Variants in SCN1A observed in about 807,000 individuals in gnomAD.
SCN1A encodes the protein sodium channel protein type 1 subunit alpha.
Under a neutral mutation model 193.7 loss-of-function variants are expected in SCN1A, and 13 were observed. The ratio of observed to expected loss-of-function variants is 0.07; its 90% confidence interval spans 0.04 to 0.11. The LOEUF is 0.11. SCN1A is among the 10% of genes least tolerant of loss of function. The probability of loss-of-function intolerance (pLI) is 1.00; values close to 1 mark genes in which losing one functional copy is unlikely to be tolerated. For synonymous variants in SCN1A, 781 were observed against 843.6 expected (o/e 0.93, Z 1.29); for missense variants, 1,432 against 2,451.1 (o/e 0.58, Z 8.78).
chr2:166,069,694 T>C (rs956359393), intron 4 of SCN1A, among the ~76,000 whole-genome samples: 6 of 152,220 alleles, frequency 3.9e-5, no homozygotes, highest in South Asian at 2.1e-4. Context: ...CTATTCCATA[T>C]AGTTGAGAAA....
At chr2:166,074,072 A>T (rs1305295384) in intron 3 of SCN1A, among the ~76,000 whole-genome samples, 2 of 152,212 alleles carry the variant, frequency 1.3e-5, no homozygotes, top group Non-Finnish European at 2.9e-5. Context: ...TGTCTCTGAG[A>T]GGACATAAAA....
At chr2:166,025,380 C>G (rs536744) in intron 19 of SCN1A, among the ~76,000 whole-genome samples, 3 of 152,034 alleles carry the variant, frequency 2.0e-5, no homozygotes, top group Non-Finnish European at 4.4e-5. Flanking sequence ...GGCCACATGG[C>G]TGCTGTATGC....
Position 166,051,942 on chromosome 2 carries a change from G to C in SCN1A, c.741C>G (p.Leu247=). Residue 247 remains leucine (L), a synonymous_variant, in exon 9 of 29, where the codon CTC becomes CTG. Transcript: ENST00000674923. ...VGALIQSVKK[L]SDVMILTVFC... is the part of the protein sequence containing the mutation. ...ACACAGTCAGGATCATTACATCTGA[G>C]AGCTTCTTCACAGACTGGATCAGGG... 3 of 1,612,268 alleles carry C rather than the reference G, an allele frequency of 1.9e-6. No homozygotes were observed. The highest frequency in any genetic ancestry group is 2.2e-5 in the East Asian group (1 of 44,840).
At chr2:166,065,677 C>T (rs1683766067) in intron 4 of SCN1A, among the ~76,000 whole-genome samples, 5 of 152,144 alleles carry the variant, frequency 3.3e-5, no homozygotes, top group Admixed American at 3.3e-4. Context: ...ATCTGTGTCA[C>T]TTGCCTACCC....
intron 18 of SCN1A, among the ~76,000 whole-genome samples, chr2:166,037,400 CT>C (rs1347384048): frequency 2.0e-5 from 3 of 152,180 alleles, no homozygotes; most frequent in Non-Finnish European, 4.4e-5. Context: ...TTAGACTTCT[CT>C]CTTCCTTGGC....
chr2:165,991,463 C>G lies in SCN1A; in HGVS notation c.5812G>C (p.Ala1938Pro). 6.2e-7 allele frequency: 1 copy of G among 1,613,844 alleles called. No individual in the cohort carries two copies. The highest frequency in any genetic ancestry group is 1.7e-4 in the Middle Eastern group (1 of 6,060). Residue 1938 changes from alanine to proline, a missense_variant, in exon 29 of 29, where the codon GCT becomes CCT. Ala to Pro is a conservative substitution (Grantham distance 27, BLOSUM62 -1). Coordinates refer to ENST00000674923, the MANE Select transcript of SCN1A (RefSeq NM_001165963.4). ...TTGTTTTTATTGTACGTAAAGGAAG[C>G]TTGTTTTACAGTTCGCTTTAAAAGG... is the stretch of plus-strand genomic sequence containing the variant. Reference protein sequence around the residue: ...RHLLKRTVKQASFTYNKNKIK... With the variant: ...RHLLKRTVKQPSFTYNKNKIK...
At chr2:166,015,813 G>T in intron 19 of SCN1A, 86 bp from the exon 20 acceptor site, 3 of 1,469,194 alleles carry the variant, frequency 2.0e-6, no homozygotes, top group Non-Finnish European at 2.8e-6. Context: ...CTATGAATTT[G>T]TTTTTTATTC....
chr2:166,036,885 T>C (rs1696455967), intron 18 of SCN1A, among the ~76,000 whole-genome samples: 1 of 152,238 alleles, frequency 6.6e-6, no homozygotes, highest in South Asian at 2.1e-4. Context: ...TTTCCAAGTA[T>C]GCATTTAAAT....
chr2:166,119,110 C>G (rs1690246846), intron 2 of SCN1A, among the ~76,000 whole-genome samples: 1 of 152,194 alleles, frequency 6.6e-6, no homozygotes, highest in Non-Finnish European at 1.5e-5. Context: ...GTAATGCTCC[C>G]TGGCCCACTG....
At chr2:166,113,539 A>G (rs16851533) in intron 2 of SCN1A, among the ~76,000 whole-genome samples, 6,035 of 146,074 alleles carry the variant, frequency 0.041, 370 homozygotes, top group Admixed American at 0.19. Context: ...TTTTAGCTTG[A>G]ACAACCGATA....
chr2:166,023,474 A>G (rs1694335752), intron 19 of SCN1A, among the ~76,000 whole-genome samples: 1 of 152,268 alleles, frequency 6.6e-6, no homozygotes, highest in Admixed American at 6.5e-5. Flanking sequence ...ATGTAAAATG[A>G]AGAGATGATC....
At chr2:165,996,981 C>A (rs1356270252) in intron 26 of SCN1A, among the ~76,000 whole-genome samples, 1 of 151,204 alleles carries the variant, frequency 6.6e-6, no homozygotes, top group Non-Finnish European at 1.5e-5. Flanking sequence ...CAGTTTTCAC[C>A]TATTAAATAT....
intron 19 of SCN1A, among the ~76,000 whole-genome samples, chr2:166,016,815 T>C (rs781101888): frequency 1.3e-5 from 2 of 151,864 alleles, no homozygotes; most frequent in Non-Finnish European, 2.9e-5. Context: ...GACCCGACAA[T>C]AGGCATTCCA....
chr2:166,091,821 T>C (rs1301071443), intron 2 of SCN1A, among the ~76,000 whole-genome samples: 1 of 152,226 alleles, frequency 6.6e-6, no homozygotes, highest in Non-Finnish European at 1.5e-5. Context: ...ATGCAACATA[T>C]TGAAGAAACC....
intron 5 of SCN1A, 32 bp downstream of exon 5, chr2:166,058,538 A>G: frequency 8.2e-7 from 1 of 1,214,992 alleles, no homozygotes; most frequent in Non-Finnish European, 1.2e-6. Context: ...TCATGTACAA[A>G]TAGTTAATAT....
intron 22 of SCN1A, 75 bp from the exon 23 acceptor site, chr2:166,009,916 G>T: frequency 7.2e-7 from 1 of 1,390,846 alleles, no homozygotes; most frequent in African/African-American, 1.4e-5. Context: ...AATACAACAA[G>T]TATAATTTTT....
intron 2 of SCN1A, 55 bp from the exon 3 acceptor site, chr2:166,077,856 C>G (rs1048711420): frequency 6.6e-6 from 1 of 151,810 alleles, no homozygotes; most frequent in African/African-American, 2.4e-5. Context: ...ACCTGTGGTA[C>G]ATCCAGACAA....
At chr2:166,098,978 A>G (rs1223985753) in intron 2 of SCN1A, among the ~76,000 whole-genome samples, 1 of 152,204 alleles carries the variant, frequency 6.6e-6, no homozygotes, top group Non-Finnish European at 1.5e-5. Flanking sequence ...TCAAACTACC[A>G]ATGTCATTTT....
At chr2:166,097,090 C>T (rs549714792) in intron 2 of SCN1A, among the ~76,000 whole-genome samples, 25 of 150,898 alleles carry the variant, frequency 1.7e-4, no homozygotes, top group South Asian at 1.0e-3. Flanking sequence ...GGCATGATCG[C>T]GGCTCACTGC....
Sources: gnomAD v4.1 joint callset for allele counts (sites outside exome capture counted in the v4.1 genomes callset) on GRCh38, gnomAD v4.1.1 for gene constraint, MANE v1.5 for transcripts, NCBI Gene and HGNC (gene_info 2026-07-23, HGNC 2026-07-21) for gene names.